Variants in PUM1 observed in about 807,000 individuals in gnomAD.
The protein encoded by PUM1 is pumilio homolog 1.
PUM1 carries 13 observed loss-of-function variants against 131.8 expected under a neutral mutation model. The ratio of observed to expected loss-of-function variants is 0.10; its 90% CI spans 0.06 to 0.16. The LOEUF is 0.16. Among genes scored for constraint, PUM1 ranks in the 10% least tolerant of loss-of-function variants. The pLI is 1.00. For missense variants in PUM1, 961 were observed against 1,512.4 expected (o/e 0.64, Z 6.05); for synonymous variants, 509 against 556.5 (o/e 0.91, Z 1.20).
chr1:30,988,670 T>G (rs1156350846), intron 7 of PUM1, among the ~76,000 whole-genome samples: 1 of 152,190 alleles, frequency 6.6e-6, no homozygotes, highest in East Asian at 1.9e-4. Flanking sequence ...TCTCAAGGCC[T>G]CCGGGACTCA....
intron 8 of PUM1, 117 bp from the exon 9 acceptor site, chr1:30,980,280 A>G (rs1290639432): frequency 2.5e-6 from 2 of 797,438 alleles, no homozygotes; most frequent in African/African-American, 3.4e-5. Flanking sequence ...ATGAAAAAAG[A>G]GAAGACGGGA....
intron 2 of PUM1, among the ~76,000 whole-genome samples, chr1:31,049,493 G>T (rs1382533224): frequency 1.3e-5 from 2 of 150,732 alleles, no homozygotes; most frequent in African/African-American, 4.9e-5. Flanking sequence ...TCCAGCCTGG[G>T]CAACAGAGCA....
At chr1:30,951,707 A>G (rs1444443776) in intron 16 of PUM1, among the ~76,000 whole-genome samples, 4 of 152,238 alleles carry the variant, frequency 2.6e-5, no homozygotes, top group African/African-American at 9.6e-5. Context: ...ACAATGATAC[A>G]ACAAGTGAAC....
chr1:31,046,478 G>T (rs185978911), intron 2 of PUM1, among the ~76,000 whole-genome samples: 1 of 118,128 alleles, frequency 8.5e-6, no homozygotes, highest in Non-Finnish European at 1.7e-5. Flanking sequence ...TAACTGCAGC[G>T]GGGTTTTTGG....
chr1:31,023,433 GTAC>G (rs997468790), intron 3 of PUM1, among the ~76,000 whole-genome samples: 44 of 152,190 alleles, frequency 2.9e-4, no homozygotes, highest in African/African-American at 1.1e-3. Flanking sequence ...GATTCTAGAA[GTAC>G]TTTTAGCTAT....
chr1:30,993,855 G>A lies in PUM1; in HGVS notation c.888-1195C>T, dbSNP rs1029253826. Among the ~76,000 whole-genome samples the A allele has an allele frequency of 3.9e-5, 6 of 152,074 alleles. No homozygotes were observed. In the South Asian group the frequency reaches 1.2e-3, roughly 32 times the overall value. On this transcript the variant is annotated intron_variant, in intron 6 of 21. Coordinates refer to ENST00000426105, the MANE Select transcript of PUM1 (RefSeq NM_001020658.2). ...GGAGGCTAAGGCAGGCAGACCACTT[G>A]AGCTCAGGAGTTCAAGACCAACCTA...
At chr1:30,955,147 T>C (rs1206695295) in intron 14 of PUM1, among the ~76,000 whole-genome samples, 1 of 151,482 alleles carries the variant, frequency 6.6e-6, no homozygotes, top group African/African-American at 2.4e-5. Context: ...TAATAAATTA[T>C]GAGTATTTTA....
At chr1:31,065,148 G>A (rs1456921500) in intron 1 of PUM1, among the ~76,000 whole-genome samples, 1 of 152,126 alleles carries the variant, frequency 6.6e-6, no homozygotes, top group Non-Finnish European at 1.5e-5. Context: ...TGCTTCTAAA[G>A]CGATTTATTG....
intron 14 of PUM1, among the ~76,000 whole-genome samples, chr1:30,954,747 CAT>C (rs926597303): frequency 1.5e-4 from 23 of 152,120 alleles, no homozygotes; most frequent in African/African-American, 4.1e-4. Context: ...ATAAAACAAA[CAT>C]ATGACCAAAA....
intron 5 of PUM1, among the ~76,000 whole-genome samples, chr1:31,004,842 T>C (rs1425678036): frequency 5.9e-5 from 9 of 152,256 alleles, no homozygotes; most frequent in Non-Finnish European, 2.9e-5. Flanking sequence ...AAGACAGTTA[T>C]AATATTAATT....
At chr1:30,963,519 G>A (rs982551746) in intron 14 of PUM1, among the ~76,000 whole-genome samples, 3 of 152,046 alleles carry the variant, frequency 2.0e-5, no homozygotes, top group African/African-American at 4.8e-5. Flanking sequence ...CTTGAAACTC[G>A]CCTCTTTCAA....
At chr1:30,950,412 T>C (rs1238512134) in intron 16 of PUM1, 151 bp from the exon 17 acceptor site, 2 of 758,932 alleles carry the variant, frequency 2.6e-6, no homozygotes, top group Admixed American at 3.4e-5. Context: ...TAAAGAGCCA[T>C]TGCTTCTTCA....
chr1:31,039,465 C>T (rs780798953), intron 2 of PUM1, among the ~76,000 whole-genome samples: 5 of 152,056 alleles, frequency 3.3e-5, no homozygotes, highest in Non-Finnish European at 7.4e-5. Flanking sequence ...CCTTGTGATC[C>T]ACCCACCTCA....
intron 2 of PUM1, among the ~76,000 whole-genome samples, chr1:31,053,310 T>G (rs191834780): frequency 4.0e-5 from 6 of 149,646 alleles, no homozygotes; most frequent in Non-Finnish European, 5.9e-5. Context: ...CACATTATCT[T>G]AATTGTATAC....
At chr1:31,028,774 T>G in intron 3 of PUM1, 22 bp downstream of exon 3, 1 of 1,599,302 alleles carries the variant, frequency 6.3e-7, no homozygotes, top group Non-Finnish European at 8.6e-7. Context: ...GACCCACTTT[T>G]CTGACACACC....
chr1:31,031,266 T>C (rs529367678), intron 2 of PUM1, among the ~76,000 whole-genome samples: 3 of 152,202 alleles, frequency 2.0e-5, no homozygotes, highest in Non-Finnish European at 4.4e-5. Context: ...TAATTATACA[T>C]TTAAATAGAG....
intron 13 of PUM1, among the ~76,000 whole-genome samples, chr1:30,965,442 A>C (rs1397885334): frequency 6.6e-6 from 1 of 152,086 alleles, no homozygotes; most frequent in Admixed American, 6.5e-5. Flanking sequence ...TGTTTTTTAT[A>C]ATCTCTGCAA....
At chr1:31,002,965 C>T (rs968087026) in intron 5 of PUM1, among the ~76,000 whole-genome samples, 6 of 152,210 alleles carry the variant, frequency 3.9e-5, no homozygotes, top group Non-Finnish European at 8.8e-5. Flanking sequence ...TAAAACACTA[C>T]ATAGAGATTT....
intron 2 of PUM1, among the ~76,000 whole-genome samples, chr1:31,032,922 A>C (rs1643482111): frequency 6.6e-6 from 1 of 152,176 alleles, no homozygotes; most frequent in African/African-American, 2.4e-5. Context: ...CCTGGCCAAC[A>C]TGGCAAAACT....
Sources: allele counts gnomAD v4.1 joint callset (sites outside exome capture counted in the v4.1 genomes callset), GRCh38; gene constraint gnomAD v4.1.1; transcripts MANE v1.5; gene names NCBI Gene and HGNC (gene_info 2026-07-23, HGNC 2026-07-21).